PAM: variants seen among roughly 807,000 people sequenced by gnomAD.
The protein encoded by PAM is peptidyl-glycine alpha-amidating monooxygenase.
In PAM, 72 loss-of-function variants were observed where a neutral mutation model predicts 122.1. The ratio of observed to expected loss-of-function variants is 0.59; its 90% CI spans 0.49 to 0.72. The LOEUF (loss-of-function observed/expected upper bound fraction) is 0.72. PAM is among the 30% of genes least tolerant of loss of function. The probability of loss-of-function intolerance (pLI) is 0.00; values close to 1 mark genes in which losing one functional copy is unlikely to be tolerated. For synonymous variants in PAM, 389 were observed against 404.4 expected, an observed-to-expected ratio of 0.96 and a Z score of 0.46; for missense variants, 1,106 against 1,183.7, an observed-to-expected ratio of 0.93 and a Z score of 0.96.
intron 21 of PAM, among the ~76,000 whole-genome samples, chr5:103,016,136 C>T (rs1340372863): frequency 1.3e-5 from 2 of 152,126 alleles, no homozygotes; most frequent in Non-Finnish European, 2.9e-5. Flanking sequence ...CTGTGTTTTC[C>T]TCTACATATT....
intron 1 of PAM, among the ~76,000 whole-genome samples, chr5:102,842,224 A>ATATATATATATATATATATATATATC (rs1778841012): frequency 6.6e-6 from 1 of 151,518 alleles, no homozygotes; most frequent in African/African-American, 2.4e-5. Context: ...ATATATATAT[A>ATATATATATATATATATATATATATC]TATCTCCACA....
chr5:102,883,130 A>G (rs1022589283), intron 3 of PAM, among the ~76,000 whole-genome samples: 4 of 151,854 alleles, frequency 2.6e-5, no homozygotes, highest in Non-Finnish European at 5.9e-5. Flanking sequence ...GCCTCATAGT[A>G]TAGTTTGAAG....
At chr5:102,907,073 T>C (rs969615727) in intron 4 of PAM, among the ~76,000 whole-genome samples, 1 of 151,750 alleles carries the variant, frequency 6.6e-6, no homozygotes, top group Non-Finnish European at 1.5e-5. Context: ...TTATTTGAAA[T>C]TGATGTTCAA....
intron 1 of PAM, among the ~76,000 whole-genome samples, chr5:102,793,372 G>GAA (rs71620669): frequency 2.4e-4 from 35 of 148,672 alleles, no homozygotes; most frequent in East Asian, 5.9e-4. Flanking sequence ...AAAAAAAAAT[G>GAA]AAAAAAAAAA....
At chr5:102,838,990 A>G (rs1420017056) in intron 1 of PAM, among the ~76,000 whole-genome samples, 4 of 152,188 alleles carry the variant, frequency 2.6e-5, no homozygotes. Context: ...GTTCCTAGAA[A>G]TCTTTAAAGA....
chr5:102,978,759 T>A (rs554048823), intron 15 of PAM, among the ~76,000 whole-genome samples: 1 of 152,154 alleles, frequency 6.6e-6, no homozygotes, highest in African/African-American at 2.4e-5. Context: ...TAGGTTCAAG[T>A]CTTGCAGAAT....
In PAM at chr5:102,762,805, A is replaced by T. The variant is rs530524702; in HGVS notation, c.-374+7457A>T. On this transcript the variant is annotated intron_variant, in intron 1 of 25. Transcript: ENST00000438793. Reference sequence around the variant, plus strand: ...CAGGAGCGAAGTGGTTCTTTCTATTATATGCCATTTCCTCTGTGGCCCCTG... The same window carrying T: ...CAGGAGCGAAGTGGTTCTTTCTATTTTATGCCATTTCCTCTGTGGCCCCTG... Among the ~76,000 whole-genome samples, 510 of 152,306 alleles carry T rather than the reference A, an allele frequency of 3.3e-3. 1 individual carries two copies. The highest frequency in any genetic ancestry group is 0.014 in the Middle Eastern group (4 of 294).
intron 21 of PAM, among the ~76,000 whole-genome samples, chr5:103,016,754 A>T (rs17361885): frequency 0.11 from 17,306 of 152,244 alleles, 1,329 homozygotes; most frequent in Middle Eastern, 0.16. Flanking sequence ...CAAACATAAG[A>T]CTTCAAGAGT....
intron 14 of PAM, among the ~76,000 whole-genome samples, chr5:102,971,699 CAG>C (rs759035418): frequency 1.3e-5 from 2 of 152,176 alleles, no homozygotes; most frequent in Non-Finnish European, 2.9e-5. Context: ...AGAGATGACA[CAG>C]GGGTCAGGAC....
In PAM at chr5:103,003,087, A is replaced by G. The variant is rs749759370; in HGVS notation, c.1668A>G (p.Glu556=). 1.9e-6 allele frequency: 3 copies of G among 1,609,614 alleles called. No homozygotes were observed. Among genetic ancestry groups the G allele is most frequent in the Non-Finnish European group, 2.6e-6 (3 of 1,176,022 alleles). Residue 556 remains glutamate, a synonymous_variant, in exon 17 of 26, where the codon GAA becomes GAG. Transcript: ENST00000438793. ...AAATAGGACTCGGACCAATTGAAGA[A>G]GACACTATTCTTGTCATAGATCCAA... ...YQQIGLGPIE[E]DTILVIDPNN...
intron 7 of PAM, among the ~76,000 whole-genome samples, chr5:102,936,383 A>G (rs921311552): frequency 6.6e-6 from 1 of 152,138 alleles, no homozygotes; most frequent in African/African-American, 2.4e-5. Flanking sequence ...AATTTAGGAC[A>G]TATTCTTCCA....
chr5:102,805,449 C>T (rs563811370), intron 1 of PAM, among the ~76,000 whole-genome samples: 20 of 152,218 alleles, frequency 1.3e-4, no homozygotes, highest in Admixed American at 3.3e-4. Context: ...GTCTTAGGAT[C>T]CTCTTGGGAA....
At chr5:102,783,384 C>T (rs956897625) in intron 1 of PAM, among the ~76,000 whole-genome samples, 5 of 152,160 alleles carry the variant, frequency 3.3e-5, no homozygotes, top group African/African-American at 2.4e-5. Flanking sequence ...GATCTGTCTT[C>T]AATTTCAGTG....
intron 21 of PAM, among the ~76,000 whole-genome samples, chr5:103,012,704 A>T (rs1780961628): frequency 6.6e-6 from 1 of 152,040 alleles, no homozygotes; most frequent in Non-Finnish European, 1.5e-5. Flanking sequence ...AATACAAAAA[A>T]AATTAGCCAG....
At chr5:102,782,860 C>T (rs939084366) in intron 1 of PAM, among the ~76,000 whole-genome samples, 4 of 150,960 alleles carry the variant, frequency 2.6e-5, no homozygotes, top group Admixed American at 1.3e-4. Context: ...GAAAAATCTG[C>T]CTTTTCAAAG....
At chr5:102,863,651 G>GATAT (rs1784744498) in intron 1 of PAM, among the ~76,000 whole-genome samples, 1 of 146,948 alleles carries the variant, frequency 6.8e-6, no homozygotes, top group Non-Finnish European at 1.5e-5. Flanking sequence ...TTTTGGATGA[G>GATAT]TGAAGGAATT....
chr5:102,994,030 A>T (rs1774945478), intron 16 of PAM, among the ~76,000 whole-genome samples: 1 of 152,122 alleles, frequency 6.6e-6, no homozygotes, highest in South Asian at 2.1e-4. Context: ...GGAGCTCAAA[A>T]TGTTGGGTCA....
chr5:102,769,203 T>G (rs569032983), intron 1 of PAM, among the ~76,000 whole-genome samples: 1 of 152,150 alleles, frequency 6.6e-6, no homozygotes, highest in African/African-American at 2.4e-5. Flanking sequence ...ATTATCAGAT[T>G]TTTTTTTCCA....
Position 102,926,436 on chromosome 5 carries a change from T to C in PAM, c.443-149T>C, listed in dbSNP as rs185359020. 32 of 552,994 alleles carry C rather than the reference T, an allele frequency of 5.8e-5. No individual in the cohort carries two copies. In the East Asian group the frequency reaches 9.5e-4, roughly 16 times the overall value. The allele number at this position is 552,994 out of a possible 1,614,324, so 34.3% of individuals were successfully genotyped here. A position where few individuals can be genotyped will look rare whatever the true frequency, so the allele number is the denominator to read the frequency against. ...TATAATGACAGATTATATTAGAAATTATCAGTCAATGGTATATTTCTGTTT... is the reference window on the plus strand; with the variant it reads ...TATAATGACAGATTATATTAGAAATCATCAGTCAATGGTATATTTCTGTTT... On this transcript the variant is annotated intron_variant, in intron 6 of 25. Coordinates refer to ENST00000438793, the MANE Select transcript of PAM (RefSeq NM_001177306.2).
Sources: gnomAD v4.1 joint callset for allele counts (sites outside exome capture counted in the v4.1 genomes callset) on GRCh38, gnomAD v4.1.1 for gene constraint, MANE v1.5 for transcripts, NCBI Gene and HGNC (gene_info 2026-07-23, HGNC 2026-07-21) for gene names.